The following CCZ1B variants were observed in gnomAD, a reference collection of about 807,000 sequenced individuals.
The protein encoded by CCZ1B is CCZ1B vacuolar protein trafficking and biogenesis associated, also known as vacuolar fusion protein CCZ1 homolog B.
Under a neutral mutation model 58.8 loss-of-function variants are expected in CCZ1B, and 25 were observed. The observed-to-expected ratio is 0.43, with a 90% CI of 0.31 to 0.59. CCZ1B has a LOEUF of 0.59. Ranked by LOEUF, CCZ1B falls within the 20% of genes least tolerant of loss-of-function variation. The probability of loss-of-function intolerance (pLI) is 0.12; values close to 1 mark genes in which losing one functional copy is unlikely to be tolerated. For synonymous variants in CCZ1B, 66 were observed against 173.2 expected (o/e 0.38, Z 4.86); for missense variants, 180 against 501.5 (o/e 0.36, Z 6.12).
At chr7:6,818,549 AAGAAAGAAAGAAAGAC>A (rs1314203066) in intron 7 of CCZ1B, among the ~76,000 whole-genome samples, 5 of 144,612 alleles carry the variant, frequency 3.5e-5, no homozygotes, top group Non-Finnish European at 4.5e-5. Context: ...CTCCGTTAGA[AAGAAAGAAAGAAAGAC>A]AGAAAGAAAG....
In CCZ1B at chr7:6,818,506, G is replaced by A. The variant is rs1329702674; in HGVS notation, c.698+1260C>T. On this transcript the variant is annotated intron_variant, in intron 7 of 14. Transcript: ENST00000316731. ...GGAAGTTGCAGTGAGCCAAGATCGC[G>A]CCACTGTACTCCAGCCTGGCAACAG... 1.6e-4 allele frequency among the ~76,000 whole-genome samples: 24 copies of A among 148,674 alleles called. 2 individuals are homozygous for A. Among genetic ancestry groups the A allele is most frequent in the Admixed American group, 1.3e-3 (19 of 14,906 alleles).
intron 6 of CCZ1B, among the ~76,000 whole-genome samples, chr7:6,821,834 CAA>C (rs1383903499): frequency 1.3e-5 from 2 of 150,350 alleles, no homozygotes; most frequent in African/African-American, 2.5e-5. Context: ...GCTAATCTGA[CAA>C]AGTCTGTCAA....
intron 6 of CCZ1B, among the ~76,000 whole-genome samples, chr7:6,821,514 G>A (rs1226483518): frequency 1.3e-5 from 2 of 152,310 alleles, no homozygotes; most frequent in East Asian, 3.8e-4. Context: ...AAATAGCTAT[G>A]AAAGCTGTTT....
chr7:6,816,471 TGA>T (rs1192333738), intron 7 of CCZ1B, among the ~76,000 whole-genome samples: 1 of 147,984 alleles, frequency 6.8e-6, no homozygotes, highest in African/African-American at 2.6e-5. Flanking sequence ...ACCAAGCAAA[TGA>T]GACTCAGTCT....
Position 6,824,615 on chromosome 7 carries a change from C to T in CCZ1B, c.218+25G>A, listed in dbSNP as rs369799251. The T allele has an allele frequency of 1.4e-3, 2,261 of 1,612,396 alleles. 1 individual carries two copies. Among genetic ancestry groups the T allele is most frequent in the Non-Finnish European group, 1.8e-3 (2,123 of 1,179,684 alleles). ...AGCAGTTTTAAGAATTCACTGAACG[C>T]TAAAGGCACACTTAGAGGTATTACC... On this transcript the variant is annotated intron_variant, in intron 2 of 14. Coordinates refer to ENST00000316731, the MANE Select transcript of CCZ1B (RefSeq NM_198097.5).
intron 7 of CCZ1B, among the ~76,000 whole-genome samples, chr7:6,818,601 A>C (rs575135122): frequency 2.3e-3 from 309 of 132,240 alleles, no homozygotes; most frequent in Middle Eastern, 0.012. Flanking sequence ...GACAGAAAGA[A>C]AGAAAGAAAG....
At position 6,823,367 on chromosome 7, in the gene CCZ1B, A is replaced by T; in HGVS notation, c.391-7T>A. 6.2e-7 allele frequency: 1 copy of T among 1,607,754 alleles called. No individual in the cohort carries two copies. The highest frequency in any genetic ancestry group is 1.7e-5 in the Admixed American group (1 of 59,574). On this transcript the variant is annotated splice_region_variant and splice_polypyrimidine_tract_variant and intron_variant, in intron 4 of 14. Transcript: ENST00000316731. ...CCGAGCTATAAACCTTGTCCTGCAG[A>T]CGCGAAAACACAGCACACAGCTCAG...
intron 8 of CCZ1B, among the ~76,000 whole-genome samples, chr7:6,814,439 G>A (rs1290541945): frequency 6.7e-6 from 1 of 149,614 alleles, no homozygotes; most frequent in African/African-American, 2.5e-5. Context: ...GGGAGGCCGA[G>A]GCAAGGAGAA....
At chr7:6,820,481 A>T (rs13231636) in intron 6 of CCZ1B, among the ~76,000 whole-genome samples, 36,745 of 141,542 alleles carry the variant, frequency 0.26, 5,137 homozygotes, top group South Asian at 0.36. Context: ...CTGGCCAAAA[A>T]TTTTTTTTTT....
intron 1 of CCZ1B, among the ~76,000 whole-genome samples, chr7:6,825,439 G>A: frequency 7.1e-6 from 1 of 141,460 alleles, no homozygotes; most frequent in Non-Finnish European, 1.5e-5. Context: ...TGTAGAGTTG[G>A]GGGTCTTGCT....
chr7:6,816,199 G>C (rs1415232081), intron 7 of CCZ1B, among the ~76,000 whole-genome samples: 1 of 148,364 alleles, frequency 6.7e-6, no homozygotes, highest in Non-Finnish European at 1.5e-5. Context: ...CGTGAAGGTG[G>C]TCGGGCGCGG....
rs1782947090 is a variant in CCZ1B, at chr7:6,813,351, C to T, written c.781-314G>A. ...CTATAATCCCAGCACTTTGGGAGGC[C>T]AAGGCAGGCAGATTACTTGAGCCCA... is the stretch of plus-strand genomic sequence containing the variant. On this transcript the variant is annotated intron_variant, in intron 8 of 14. Coordinates refer to ENST00000316731, the MANE Select transcript of CCZ1B (RefSeq NM_198097.5). Among the ~76,000 whole-genome samples, 4 of 148,616 alleles carry T rather than the reference C, an allele frequency of 2.7e-5. 1 individual carries two copies. The South Asian group carries it at 8.5e-4, about 31-fold the overall frequency.
chr7:6,815,490 AGTCTC>A (rs1307697436), intron 7 of CCZ1B, among the ~76,000 whole-genome samples: 3 of 147,890 alleles, frequency 2.0e-5, no homozygotes, highest in African/African-American at 5.2e-5. Flanking sequence ...TCAAGAGATG[AGTCTC>A]GTCTGTCGCC....
intron 5 of CCZ1B, among the ~76,000 whole-genome samples, chr7:6,823,038 C>T (rs1206507261): frequency 6.8e-6 from 1 of 146,986 alleles, no homozygotes; most frequent in Non-Finnish European, 1.5e-5. Flanking sequence ...AAATTATCTG[C>T]ATTCTGTATG....
chr7:6,822,706 C>CTTT lies in CCZ1B; in HGVS notation c.439-345_439-343dup, dbSNP rs58112556. Among the ~76,000 whole-genome samples, 23 of 120,318 alleles carry CTTT rather than the reference C, an allele frequency of 1.9e-4. No individual in the cohort carries two copies. The East Asian group carries it at 2.1e-3, about 11-fold the overall frequency. The allele number at this position is 120,318 out of a possible 152,430, so 78.9% of individuals were successfully genotyped here. A position where few individuals can be genotyped will look rare whatever the true frequency, so the allele number is the denominator to read the frequency against. On this transcript the variant is annotated intron_variant, in intron 5 of 14. Transcript: ENST00000316731. ...AAATGGAATCACCAAACTTTTTATC[C>CTTT]TTTTTTTTTTTTTTTGAGATGGAAT...
chr7:6,822,797 G>T (rs535901959), intron 5 of CCZ1B, among the ~76,000 whole-genome samples: 2 of 140,556 alleles, frequency 1.4e-5, no homozygotes, highest in African/African-American at 5.4e-5. Flanking sequence ...GACCTCCAAG[G>T]TGCGAGCGAT....
At chr7:6,801,923 C>T (rs1782774847) in intron 12 of CCZ1B, among the ~76,000 whole-genome samples, 1 of 120,610 alleles carries the variant, frequency 8.3e-6, no homozygotes, top group African/African-American at 3.0e-5. Flanking sequence ...GCCATTGCCA[C>T]ATGTTCATGT....
At chr7:6,804,251 C>T (rs1484682496) in intron 12 of CCZ1B, among the ~76,000 whole-genome samples, 4 of 120,860 alleles carry the variant, frequency 3.3e-5, no homozygotes, top group Admixed American at 2.8e-4. Context: ...ATGGTGAAAC[C>T]GTCTCTACTA....
rs1313908492 is a variant in CCZ1B, at chr7:6,818,577, CAGAAAGAAAGACAGACAGAA to C, written c.698+1169_698+1188del. On this transcript the variant is annotated intron_variant, in intron 7 of 14. Transcript: ENST00000316731. ...AAAGAAAGAAAGACAGAAAGAAAGA[CAGAAAGAAAGACAGACAGAA>C]AGAAAGAAAGAAAGAAAGACAAGAA... is the stretch of plus-strand genomic sequence containing the variant. 1.2e-4 allele frequency among the ~76,000 whole-genome samples: 16 copies of C among 130,482 alleles called. 1 individual carries two copies. The highest frequency in any genetic ancestry group is 5.2e-4 in the African/African-American group (16 of 30,750). 85.6% of individuals were successfully genotyped at this position (130,482 alleles called of 152,430 possible). A position where few individuals can be genotyped will look rare whatever the true frequency, so the allele number is the denominator to read the frequency against.
Sources: gnomAD v4.1 joint callset for allele counts (sites outside exome capture counted in the v4.1 genomes callset) on GRCh38, gnomAD v4.1.1 for gene constraint, MANE v1.5 for transcripts, NCBI Gene and HGNC (gene_info 2026-07-23, HGNC 2026-07-21) for gene names.